Variants in WEE1 observed in about 807,000 individuals in gnomAD.
WEE1 encodes the protein WEE1 G2 checkpoint kinase.
In WEE1, 16 loss-of-function variants were observed where a neutral mutation model predicts 68.8. That is an observed-to-expected ratio of 0.23 (90% CI 0.16 to 0.35). The LOEUF is 0.35. WEE1 is among the 10% of genes least tolerant of loss of function. The probability of loss-of-function intolerance (pLI) is 1.00; values close to 1 mark genes in which losing one functional copy is unlikely to be tolerated. For synonymous variants in WEE1, 349 were observed against 318.7 expected (o/e 1.09, Z -1.01); for missense variants, 651 against 824.1 (o/e 0.79, Z 2.57).
intron 1 of WEE1, chr11:9,575,334 C>A (rs1014350812): frequency 8.1e-6 from 8 of 988,634 alleles, no homozygotes. Context: ...TTAAGACAAG[C>A]CTCGCATTTG....
intron 6 of WEE1, among the ~76,000 whole-genome samples, chr11:9,584,750 T>C (rs1339183433): frequency 2.6e-5 from 4 of 152,190 alleles, no homozygotes; most frequent in Non-Finnish European, 1.5e-5. Context: ...TCATCCAGTT[T>C]AAAGTGTTTA....
rs756761722 is a variant in WEE1 at position 9,576,445 on chromosome 11, C to T, written c.847-42C>T. The T allele has an allele frequency of 9.4e-6, 15 of 1,587,426 alleles. No individual in the cohort carries two copies. The highest frequency in any genetic ancestry group is 1.4e-5 in the African/African-American group (1 of 73,452). ...CACCATAGCAAGAAATAACTGTTTTCGTATATTTGTATTACATATATGGAA... is the reference window on the plus strand; with the variant it reads ...CACCATAGCAAGAAATAACTGTTTTTGTATATTTGTATTACATATATGGAA... On this transcript the variant is annotated intron_variant, in intron 3 of 10. Transcript: ENST00000450114. The surrounding 1 kb of genome is among the most constrained non-coding windows in gnomAD (Gnocchi z 4.3).
chr11:9,577,524 G>A (rs576190095), intron 5 of WEE1: 4 of 409,036 alleles, frequency 9.8e-6, no homozygotes, highest in Non-Finnish European at 1.8e-5. Context: ...CTATGGCCTC[G>A]ACACATATAT....
intron 10 of WEE1, 39 bp downstream of exon 10, chr11:9,586,895 T>G: frequency 1.3e-6 from 2 of 1,554,682 alleles, no homozygotes; most frequent in Non-Finnish European, 8.7e-7. Context: ...GCTTTTTCAT[T>G]CACTTTAATT....
intron 6 of WEE1, among the ~76,000 whole-genome samples, chr11:9,583,794 CACACACACATATATAT>C (rs1327171358): frequency 5.4e-4 from 15 of 27,572 alleles, no homozygotes; most frequent in African/African-American, 2.0e-3. Flanking sequence ...CACACACACA[CACACACACATATATAT>C]ATATATATAT....
intron 6 of WEE1, among the ~76,000 whole-genome samples, chr11:9,584,978 A>C (rs1295292358): frequency 6.6e-6 from 1 of 152,184 alleles, no homozygotes; most frequent in Non-Finnish European, 1.5e-5. Flanking sequence ...AGGTTGAATG[A>C]AGCATGAGAA....
chr11:9,575,088 A>G, intron 1 of WEE1: 1 of 985,468 alleles, frequency 1.0e-6, no homozygotes, highest in Non-Finnish European at 1.2e-6. Context: ...GACTCATCCT[A>G]AGTCCAGGCA....
intron 7 of WEE1, 31 bp downstream of exon 7, chr11:9,585,384 G>C (rs765138840): frequency 2.5e-6 from 4 of 1,608,514 alleles, no homozygotes; most frequent in Admixed American, 3.4e-5. Flanking sequence ...ATTACCTTCA[G>C]ATAAAGAGAA....
Position 9,586,437 on chromosome 11 carries a change from T to C in WEE1, c.1471-12T>C. 1 of 1,598,704 alleles carries C rather than the reference T, an allele frequency of 6.3e-7. No individual in the cohort carries two copies. The highest frequency in any genetic ancestry group is 8.5e-7 in the Non-Finnish European group (1 of 1,172,592). ...GTTTACATTCCTTTAAAAAATTGTT[T>C]TAATTTTACAGAATTATACCCATCT... On this transcript the variant is annotated splice_polypyrimidine_tract_variant and intron_variant, in intron 8 of 10. Transcript: ENST00000450114.
At chr11:9,577,426 C>A in intron 5 of WEE1, 163 bp downstream of exon 5, 1 of 796,138 alleles carries the variant, frequency 1.3e-6, no homozygotes, top group Non-Finnish European at 1.9e-6. Context: ...AAACCTTGTC[C>A]TTTCTGAAGC....
rs778857531 is a variant in WEE1 at position 9,576,031 on chromosome 11, G to T, written c.720G>T (p.Pro240=). The change falls in exon 2 of 11, where the codon CCG becomes CCT. Residue 240 remains proline, a synonymous_variant. Coordinates refer to ENST00000450114, the MANE Select transcript of WEE1 (RefSeq NM_003390.4). The surrounding 1 kb of genome is among the most constrained non-coding windows in gnomAD (Gnocchi z 4.3). ...AAGTGAATATTAATCCTTTTACTCC[G>T]GATTCTTTGTTGCTTCATTCCTCAG... ...TPQVNINPFT[P]DSLLLHSSGQ... is the part of the protein sequence containing the mutation. The T allele has an allele frequency of 8.3e-5, 134 of 1,613,984 alleles. No homozygotes were observed. Among genetic ancestry groups the T allele is most frequent in the Non-Finnish European group, 1.1e-4 (129 of 1,180,032 alleles).
Position 9,589,590 on chromosome 11 carries a change from T to A in WEE1, c.*988T>A. ...ATTCCAAGTTTTTCACAAAATATAT[T>A]TTATCTGTGATTAGCCATTTGACTA... On this transcript the variant is annotated 3_prime_UTR_variant, in exon 11 of 11. Coordinates refer to ENST00000450114, the MANE Select transcript of WEE1 (RefSeq NM_003390.4). 1.0e-6 allele frequency: 1 copy of A among 985,846 alleles called. No homozygotes were observed. The highest frequency in any genetic ancestry group is 1.2e-6 in the Non-Finnish European group (1 of 829,902). 61.1% of individuals were successfully genotyped at this position (985,846 alleles called of 1,614,324 possible).
At chr11:9,583,456 A>G (rs1298159474) in intron 6 of WEE1, among the ~76,000 whole-genome samples, 1 of 150,882 alleles carries the variant, frequency 6.6e-6, no homozygotes, top group Non-Finnish European at 1.5e-5. Flanking sequence ...CTCTACTAAA[A>G]TACAAAAAAT....
rs1301122679 is a variant in WEE1, at chr11:9,588,541, A to G, written c.1880A>G (p.Asn627Ser). The G allele has an allele frequency of 6.2e-7, 1 of 1,611,966 alleles. No homozygotes were observed. The highest frequency in any genetic ancestry group is 2.2e-5 in the East Asian group (1 of 44,716). Residue 627 changes from asparagine to serine, a missense_variant, in exon 11 of 11, where the codon AAT becomes AGT. Around this residue, in one of 5 missense-constraint regions of WEE1, gnomAD observed 115 missense variants for 142.7 expected, o/e 0.81. Coordinates refer to ENST00000450114, the MANE Select transcript of WEE1 (RefSeq NM_003390.4). ...RMATRSTTQSNRTSRLIGKKM... is the reference protein window; with the variant it reads ...RMATRSTTQSSRTSRLIGKKM... ...GCCACTAGGTCCACCACCCAGAGTA[A>G]TAGAACATCTCGACTTATTGGAAAG...
chr11:9,586,641 C>G, intron 9 of WEE1, 22 bp downstream of exon 9: 2 of 1,613,128 alleles, frequency 1.2e-6, no homozygotes, highest in Non-Finnish European at 8.5e-7. Flanking sequence ...ATATATGAAG[C>G]CCTTTATTGA....
At chr11:9,578,745 A>G (rs1849591031) in intron 5 of WEE1, 1 of 152,148 alleles carries the variant, frequency 6.6e-6, no homozygotes, top group Non-Finnish European at 1.5e-5. Flanking sequence ...ATGGTTGTGT[A>G]AATCAGATGA....
chr11:9,583,786 CACACACACACACACACAT>C (rs1849662544), intron 6 of WEE1, among the ~76,000 whole-genome samples: 9 of 31,220 alleles, frequency 2.9e-4, no homozygotes, highest in Non-Finnish European at 5.0e-4. Flanking sequence ...CACACACACA[CACACACACACACACACAT>C]ATATATATAT....
chr11:9,574,047 A>G lies in WEE1; in HGVS notation c.114A>G (p.Glu38=), dbSNP rs1221964028. ...GCAGCGACTGTGAGGAGGAGGAAGA[A>G]GAGGAGGAGGAGGAGGGCAGCGGCC... The part of the protein sequence containing the change: ...SPCSDCEEEE[E]EEEEEGSGHS... The change falls in exon 1 of 11, where the codon GAA becomes GAG. Residue 38 remains glutamate (E), a synonymous_variant. Transcript: ENST00000450114. The surrounding 1 kb of genome is among the most constrained non-coding windows in gnomAD (Gnocchi z 4.9). 3 of 1,258,908 alleles carry G rather than the reference A, an allele frequency of 2.4e-6. No individual in the cohort carries two copies. The highest frequency in any genetic ancestry group is 3.2e-5 in the East Asian group (1 of 31,352). 78.0% of individuals were successfully genotyped at this position (1,258,908 alleles called of 1,614,324 possible).
chr11:9,576,286 C>A lies in WEE1; in HGVS notation c.839C>A (p.Pro280His), dbSNP rs758950288. Residue 280 changes from proline to histidine, a missense_variant, in exon 3 of 11, where the codon CCT (proline) becomes CAT (histidine). Pro to His is a moderately conservative substitution (Grantham distance 77). Around this residue, in one of 5 missense-constraint regions of WEE1, gnomAD observed 395 missense variants for 378.4 expected, o/e 1.04. Transcript: ENST00000450114. The surrounding 1 kb of genome is among the most constrained non-coding windows in gnomAD (Gnocchi z 4.3). ...SDYELEDETR[P>H]AKRITITESN... ...TATGAGCTTGAAGATGAAACAAGACCTGCTAAGGTAAATAGCTTTTTATTT... is the reference window on the plus strand; with the variant it reads ...TATGAGCTTGAAGATGAAACAAGACATGCTAAGGTAAATAGCTTTTTATTT... The A allele has an allele frequency of 2.0e-6, 3 of 1,525,290 alleles. No individual in the cohort carries two copies. Among genetic ancestry groups the A allele is most frequent in the South Asian group, 1.2e-5 (1 of 83,064 alleles). The allele number at this position is 1,525,290 out of a possible 1,614,324, so 94.5% of individuals were successfully genotyped here.
Sources: gnomAD v4.1 joint callset for allele counts (sites outside exome capture counted in the v4.1 genomes callset) on GRCh38, gnomAD v4.1.1 for gene constraint, gnomAD v4.1.1 regional missense constraint, Gnocchi (gnomAD v3.1) non-coding constraint, MANE v1.5 for transcripts, NCBI Gene and HGNC (gene_info 2026-07-23, HGNC 2026-07-21) for gene names.